The following MSR1 variants were observed in gnomAD, a reference collection of about 807,000 sequenced individuals.
MSR1 encodes the protein macrophage scavenger receptor 1, also known as macrophage scavenger receptor types I and II.
MSR1 carries 53 observed loss-of-function variants against 47.2 expected under a neutral mutation model. The ratio of observed to expected loss-of-function variants is 1.12; its 90% CI spans 0.90 to 1.41. The LOEUF (loss-of-function observed/expected upper bound fraction) is 1.41. Among genes scored for constraint, MSR1 ranks in the 40% most tolerant of loss-of-function variants. The probability of loss-of-function intolerance (pLI) is 0.00; values close to 1 mark genes in which losing one functional copy is unlikely to be tolerated. For missense variants in MSR1, 786 were observed against 546.9 expected (o/e 1.44, Z -4.36); for synonymous variants, 239 against 185.6 (o/e 1.29, Z -2.34).
chr8:16,158,380 A>G (rs1801067628), intron 5 of MSR1, among the ~76,000 whole-genome samples: 1 of 151,984 alleles, frequency 6.6e-6, no homozygotes, highest in South Asian at 2.1e-4. Context: ...ATATTTGATA[A>G]TCATCAATAT....
chr8:16,147,830 T>C (rs1370617434), intron 7 of MSR1, among the ~76,000 whole-genome samples: 3 of 152,156 alleles, frequency 2.0e-5, no homozygotes. Context: ...GCCGTTGTTT[T>C]TCTTTGTGCG....
Position 16,124,203 on chromosome 8 carries a change from G to C in MSR1, c.1034-3597C>G, listed in dbSNP as rs113979885. On this transcript the variant is annotated intron_variant, in intron 8 of 9. Transcript: ENST00000262101. ...CAGGCCGAGTCACTTGCATGAACAT[G>C]GCATTCCCACAGTGAGAATGGGGAG... 9.3e-3 allele frequency among the ~76,000 whole-genome samples: 1,422 copies of C among 152,234 alleles called. 12 individuals are homozygous for C. The highest frequency in any genetic ancestry group is 0.016 in the Non-Finnish European group (1,109 of 67,988).
chr8:16,163,420 T>A (rs1234564996), intron 5 of MSR1, among the ~76,000 whole-genome samples: 1 of 150,634 alleles, frequency 6.6e-6, no homozygotes, highest in African/African-American at 2.4e-5. Flanking sequence ...ATGGTTGAAA[T>A]CAAAATATAG....
intron 1 of MSR1, chr8:16,186,240 C>T (rs759843733): frequency 3.8e-5 from 58 of 1,519,096 alleles, no homozygotes; most frequent in Non-Finnish European, 4.5e-5. Flanking sequence ...CTGGGTATTC[C>T]TCCTCATCTC....
chr8:16,140,421 A>G (rs191283077), intron 8 of MSR1: 2 of 985,558 alleles, frequency 2.0e-6, no homozygotes, highest in Admixed American at 6.1e-5. Context: ...TTTTCCTATC[A>G]TTGTATGAGT....
intron 5 of MSR1, among the ~76,000 whole-genome samples, chr8:16,162,990 A>G (rs2117166256): frequency 6.6e-6 from 1 of 152,188 alleles, no homozygotes; most frequent in East Asian, 1.9e-4. Flanking sequence ...TTAGCAGGAA[A>G]CTAGGGAAGA....
At chr8:16,110,251 T>G in intron 9 of MSR1, 33 bp from the exon 10 acceptor site, 1 of 1,610,892 alleles carries the variant, frequency 6.2e-7, no homozygotes, top group African/African-American at 1.3e-5. Context: ...CATTAGTAAG[T>G]TTAGAGTTTA....
At chr8:16,118,205 C>T (rs1454241299) in intron 9 of MSR1, among the ~76,000 whole-genome samples, 2 of 152,060 alleles carry the variant, frequency 1.3e-5, no homozygotes, top group African/African-American at 2.4e-5. Context: ...TCAACAAAAG[C>T]ACATCTTGAG....
At chr8:16,170,600 CCTGAGT>C (rs1241018453) in intron 3 of MSR1, among the ~76,000 whole-genome samples, 1 of 152,100 alleles carries the variant, frequency 6.6e-6, no homozygotes, top group Non-Finnish European at 1.5e-5. Context: ...TGCAGCTCCA[CCTGAGT>C]CTATCAATTT....
chr8:16,189,022 AATT>A (rs1260039360), intron 1 of MSR1, among the ~76,000 whole-genome samples: 2 of 145,336 alleles, frequency 1.4e-5, no homozygotes, highest in Admixed American at 7.0e-5. Flanking sequence ...ATATGTGTTG[AATT>A]ATTATGTAGC....
intron 2 of MSR1, among the ~76,000 whole-genome samples, chr8:16,175,762 G>A (rs745758850): frequency 3.3e-5 from 5 of 152,048 alleles, no homozygotes; most frequent in Non-Finnish European, 7.4e-5. Context: ...TAATTTTCTT[G>A]TTCAATTCCT....
intron 4 of MSR1, among the ~76,000 whole-genome samples, chr8:16,166,467 G>T (rs1182433343): frequency 6.6e-6 from 1 of 151,876 alleles, no homozygotes; most frequent in Non-Finnish European, 1.5e-5. Flanking sequence ...GGCAGCTGAG[G>T]CTGCCTTATT....
At chr8:16,128,374 C>T (rs1021940550) in intron 8 of MSR1, among the ~76,000 whole-genome samples, 4 of 151,950 alleles carry the variant, frequency 2.6e-5, no homozygotes, top group Non-Finnish European at 5.9e-5. Context: ...CTTGATAGGA[C>T]AGGTGCCCTA....
chr8:16,150,857 C>CACACACACAG (rs1225649626), intron 6 of MSR1, among the ~76,000 whole-genome samples: 14 of 146,632 alleles, frequency 9.5e-5, no homozygotes, highest in African/African-American at 3.2e-4. Flanking sequence ...CATAAACACA[C>CACACACACAG]ACACACACAC....
chr8:16,124,564 C>T (rs879626083), intron 8 of MSR1, among the ~76,000 whole-genome samples: 3 of 152,116 alleles, frequency 2.0e-5, no homozygotes, highest in Admixed American at 1.3e-4. Flanking sequence ...TCTCATTCTC[C>T]TTTATTTCTG....
At chr8:16,156,435 CT>C (rs1257954644) in intron 5 of MSR1, among the ~76,000 whole-genome samples, 2 of 151,908 alleles carry the variant, frequency 1.3e-5, no homozygotes, top group Admixed American at 1.3e-4. Context: ...ATCCTTGACT[CT>C]ACTTCTGTCT....
intron 8 of MSR1, among the ~76,000 whole-genome samples, chr8:16,138,000 A>G (rs1370175221): frequency 2.0e-5 from 3 of 151,616 alleles, no homozygotes; most frequent in African/African-American, 4.8e-5. Context: ...TCTTAAAAAA[A>G]GATAAAGGAA....
intron 8 of MSR1, among the ~76,000 whole-genome samples, chr8:16,121,579 G>T (rs990817793): frequency 6.6e-6 from 1 of 151,530 alleles, no homozygotes; most frequent in Admixed American, 6.6e-5. Context: ...AAAATTATTT[G>T]GCTAAAGAAC....
Position 16,110,197 on chromosome 8 carries a change from T to C in MSR1, c.1244A>G (p.Asn415Ser). The change falls in exon 10 of 10, where the codon AAT becomes AGT. Residue 415 changes from asparagine to serine, a missense_variant. Physicochemically the swap from Asn to Ser is conservative, Grantham distance 46 (BLOSUM62 1). Transcript: ENST00000262101. Reference protein sequence around the residue: ...FGQGTGPIWLNEVFCFGRESS... With the variant: ...FGQGTGPIWLSEVFCFGRESS... ...TTCTCTCCCAAAACAAAACACTTCA[T>C]TCAGCCATATTGGACCAGTACCTGC... 1 of 1,613,612 alleles carries C rather than the reference T, an allele frequency of 6.2e-7. No homozygotes were observed. Among genetic ancestry groups the C allele is most frequent in the Non-Finnish European group, 8.5e-7 (1 of 1,179,654 alleles).
Sources: gnomAD v4.1 joint callset for allele counts (sites outside exome capture counted in the v4.1 genomes callset) on GRCh38, gnomAD v4.1.1 for gene constraint, MANE v1.5 for transcripts, NCBI Gene and HGNC (gene_info 2026-07-23, HGNC 2026-07-21) for gene names.